PCDHGB5: variants seen among roughly 807,000 people sequenced by gnomAD.
PCDHGB5 encodes protocadherin gamma-B5.
In PCDHGB5, 48 loss-of-function variants were observed where a neutral mutation model predicts 62.9. The observed-to-expected ratio is 0.76, with a 90% CI of 0.61 to 0.97. The LOEUF is 0.97. Ranked by LOEUF, PCDHGB5 falls within the 50% of genes least tolerant of loss-of-function variation. PCDHGB5 has a pLI of 0.00. For missense variants in PCDHGB5, 1,118 were observed against 1,198.6 expected (o/e 0.93, Z 0.99); for synonymous variants, 474 against 511.2 (o/e 0.93, Z 0.98).
At position 141,431,412 on chromosome 5, in the gene PCDHGB5, G is replaced by A. The variant is rs1458036274; in HGVS notation, c.2397+30888G>A. ...CTGGTCCTTACGGCCTCCGACGGGG[G>A]CGACCCGGTGCGCACAGGCACCGCG... On this transcript the variant is annotated intron_variant, in intron 1 of 3. Transcript: ENST00000617380. This position sits in a 1 kb window ranked among gnomAD's most constrained non-coding sequence, Gnocchi z 4.8. 1 of 1,613,596 alleles carries A rather than the reference G, an allele frequency of 6.2e-7. No homozygotes were observed. Among genetic ancestry groups the A allele is most frequent in the Non-Finnish European group, 8.5e-7 (1 of 1,180,058 alleles).
rs145569377 is a variant in PCDHGB5 at position 141,455,860 on chromosome 5, ATTATTTATTTATTTAT to A, written c.2398-38908_2398-38893del. Among the ~76,000 whole-genome samples, 551 of 139,848 alleles carry A rather than the reference ATTATTTATTTATTTAT, an allele frequency of 3.9e-3. 2 individuals carry two copies. The highest frequency in any genetic ancestry group is 9.7e-3 in the South Asian group (42 of 4,344). The allele number at this position is 139,848 out of a possible 152,430, so 91.7% of individuals were successfully genotyped here. ...CTATCTGCATAAAATAATTTCTTTTATTATTTATTTATTTATTTATTTATTTATTTATTTATTTATT... is the reference window on the plus strand; with the variant it reads ...CTATCTGCATAAAATAATTTCTTTTATTATTTATTTATTTATTTATTTATT... On this transcript the variant is annotated intron_variant, in intron 1 of 3. Transcript: ENST00000617380.
intron 1 of PCDHGB5, among the ~76,000 whole-genome samples, chr5:141,481,675 C>T (rs943204061): frequency 4.0e-5 from 6 of 151,490 alleles, no homozygotes; most frequent in Non-Finnish European, 5.9e-5. Context: ...AAAATCAGGC[C>T]GGGCCTGGTG....
chr5:141,403,390 G>C (rs1471861396), intron 1 of PCDHGB5: 2 of 1,613,920 alleles, frequency 1.2e-6, no homozygotes, highest in Admixed American at 1.7e-5. Flanking sequence ...ACGAAATCGC[G>C]GTTCCTGGAG....
Position 141,477,447 on chromosome 5 carries a change from G to C in PCDHGB5, c.2398-17360G>C, listed in dbSNP as rs779097830. On this transcript the variant is annotated intron_variant, in intron 1 of 3. Coordinates refer to ENST00000617380, the MANE Select transcript of PCDHGB5 (RefSeq NM_018925.3). The surrounding 1 kb of genome is among the most constrained non-coding windows in gnomAD (Gnocchi z 4.9). ...TCCCTCTCAGCCCTTACAATAGTGCGTGTTCAAGTGTCCGACATCAATGAC... is the reference window on the plus strand; with the variant it reads ...TCCCTCTCAGCCCTTACAATAGTGCCTGTTCAAGTGTCCGACATCAATGAC... The C allele has an allele frequency of 1.6e-5, 26 of 1,614,098 alleles. No individual in the cohort carries two copies. Among genetic ancestry groups the C allele is most frequent in the Non-Finnish European group, 2.2e-5 (26 of 1,180,016 alleles).
rs750139205 is a variant in PCDHGB5 at position 141,489,738 on chromosome 5, T to C, written c.2398-5069T>C. Reference sequence around the variant, plus strand: ...AGGATCCGGATGTGGGCACCAATACTGTGAGCTTTTACACTCTAAGCCCCA... The same window carrying C: ...AGGATCCGGATGTGGGCACCAATACCGTGAGCTTTTACACTCTAAGCCCCA... On this transcript the variant is annotated intron_variant, in intron 1 of 3. Coordinates refer to ENST00000617380, the MANE Select transcript of PCDHGB5 (RefSeq NM_018925.3). This position sits in a 1 kb window ranked among gnomAD's most constrained non-coding sequence, Gnocchi z 4.5. 1 of 1,614,168 alleles carries C rather than the reference T, an allele frequency of 6.2e-7. No individual in the cohort carries two copies. Among genetic ancestry groups the C allele is most frequent in the Non-Finnish European group, 8.5e-7 (1 of 1,180,030 alleles).
At position 141,477,166 on chromosome 5, in the gene PCDHGB5, G is replaced by A. The variant is rs753389305; in HGVS notation, c.2398-17641G>A. ...TTGTGGATGTGAATGACAACGCCCC[G>A]GAGATCACAGTCACCTCCGTGTACA... On this transcript the variant is annotated intron_variant, in intron 1 of 3. Transcript: ENST00000617380. This position sits in a 1 kb window ranked among gnomAD's most constrained non-coding sequence, Gnocchi z 4.9. 5.9e-5 allele frequency: 96 copies of A among 1,614,012 alleles called. 1 individual carries two copies. Among genetic ancestry groups the A allele is most frequent in the Non-Finnish European group, 7.9e-5 (93 of 1,180,030 alleles).
chr5:141,408,328 C>A, intron 1 of PCDHGB5: 1 of 1,613,910 alleles, frequency 6.2e-7, no homozygotes, highest in South Asian at 1.1e-5. Flanking sequence ...AGGAGCTGGC[C>A]AAGGGCTCGG....
chr5:141,510,526 A>T (rs1164238062), intron 3 of PCDHGB5, among the ~76,000 whole-genome samples: 1 of 152,156 alleles, frequency 6.6e-6, no homozygotes, highest in East Asian at 1.9e-4. Flanking sequence ...CAGCCCTGAG[A>T]GAAATACCAG....
chr5:141,421,748 G>C, intron 1 of PCDHGB5: 1 of 1,613,944 alleles, frequency 6.2e-7, no homozygotes, highest in Non-Finnish European at 8.5e-7. Flanking sequence ...TACCAGCTCA[G>C]CCCTAATAAT....
Position 141,400,301 on chromosome 5 carries a change from C to T in PCDHGB5, c.2174C>T (p.Pro725Leu). The change falls in exon 1 of 4, where the codon CCT becomes CTT. Residue 725 changes from proline (P) to leucine (L), a missense_variant. This residue lies in a region of PCDHGB5 where 1,034 missense variants were observed against 1,029.1 expected (regional missense o/e 1.00). Coordinates refer to ENST00000617380, the MANE Select transcript of PCDHGB5 (RefSeq NM_018925.3). ...CCTGCCGCCTGGAGCTGCTTCCAAC[C>T]TGGTCTCTGTGTCAAGTCTGGACCT... ...SSPAAWSCFQ[P>L]GLCVKSGPVV... 3 of 1,614,084 alleles carry T rather than the reference C, an allele frequency of 1.9e-6. No individual in the cohort carries two copies. Among genetic ancestry groups the T allele is most frequent in the Non-Finnish European group, 2.5e-6 (3 of 1,179,902 alleles).
At chr5:141,434,785 T>A (rs7727021) in intron 1 of PCDHGB5, among the ~76,000 whole-genome samples, 45,585 of 150,884 alleles carry the variant, frequency 0.3, 8,100 homozygotes, top group African/African-American at 0.51. Context: ...AAAAAAAAAA[T>A]TTTTTTTTCT....
chr5:141,420,187 C>G (rs1369031488), intron 1 of PCDHGB5: 1 of 1,613,706 alleles, frequency 6.2e-7, no homozygotes, highest in East Asian at 2.2e-5. Context: ...ATTGTCCAGC[C>G]ACACAAGATA....
At chr5:141,413,025 A>G in intron 1 of PCDHGB5, 1 of 740,544 alleles carries the variant, frequency 1.4e-6, no homozygotes, top group Non-Finnish European at 2.1e-6. Context: ...CAAGCCCCAC[A>G]AACCGGCTGC....
At chr5:141,444,637 G>C (rs2098443357) in intron 1 of PCDHGB5, among the ~76,000 whole-genome samples, 1 of 152,236 alleles carries the variant, frequency 6.6e-6, no homozygotes, top group Non-Finnish European at 1.5e-5. Context: ...CCAGTTCATT[G>C]AGGTAGGGGT....
In PCDHGB5 at chr5:141,485,049, G is replaced by C. The variant is rs1271101804; in HGVS notation, c.2398-9758G>C. On this transcript the variant is annotated intron_variant, in intron 1 of 3. Coordinates refer to ENST00000617380, the MANE Select transcript of PCDHGB5 (RefSeq NM_018925.3). The surrounding 1 kb of genome is among the most constrained non-coding windows in gnomAD (Gnocchi z 5.7). ...AACGGCGCGTAACCCTTGCGGCGCC[G>C]GCCGAACCGCGCCAGAGCTGGCGCG... 1 of 780,438 alleles carries C rather than the reference G, an allele frequency of 1.3e-6. No homozygotes were observed. The highest frequency in any genetic ancestry group is 2.1e-6 in the Non-Finnish European group (1 of 469,234). The allele number at this position is 780,438 out of a possible 1,614,324, so 48.3% of individuals were successfully genotyped here. A position where few individuals can be genotyped will look rare whatever the true frequency, so the allele number is the denominator to read the frequency against.
intron 1 of PCDHGB5, among the ~76,000 whole-genome samples, chr5:141,467,772 C>A (rs972304213): frequency 1.3e-5 from 2 of 151,686 alleles, no homozygotes; most frequent in Admixed American, 6.6e-5. Flanking sequence ...AGTGCCCGCA[C>A]CTCAGCCTCT....
chr5:141,419,010 G>A (rs2096312778), intron 1 of PCDHGB5: 2 of 1,613,866 alleles, frequency 1.2e-6, no homozygotes, highest in Non-Finnish European at 8.5e-7. Flanking sequence ...GAAGTCAGGT[G>A]TAGCTTAAGT....
At chr5:141,488,578 G>A (rs1286219713) in intron 1 of PCDHGB5, among the ~76,000 whole-genome samples, 2 of 152,178 alleles carry the variant, frequency 1.3e-5, no homozygotes, top group Non-Finnish European at 2.9e-5. Flanking sequence ...AGCATTGCTG[G>A]AGAGTCAGGG....
At chr5:141,437,042 A>G (rs1355358776) in intron 1 of PCDHGB5, among the ~76,000 whole-genome samples, 1 of 152,264 alleles carries the variant, frequency 6.6e-6, no homozygotes, top group Non-Finnish European at 1.5e-5. Context: ...CACCGAAACC[A>G]GAAGGCTGGT....
Sources: gnomAD v4.1 joint callset for allele counts (sites outside exome capture counted in the v4.1 genomes callset) on GRCh38, gnomAD v4.1.1 for gene constraint, gnomAD v4.1.1 regional missense constraint, Gnocchi (gnomAD v3.1) non-coding constraint, MANE v1.5 for transcripts, NCBI Gene and HGNC (gene_info 2026-07-23, HGNC 2026-07-21) for gene names.